CCDC7: variants seen among roughly 807,000 people sequenced by gnomAD.
The protein encoded by CCDC7 is coiled-coil domain containing 7.
A neutral mutation model predicts 196.9 loss-of-function variants in CCDC7; 183 were observed. The ratio of observed to expected loss-of-function variants is 0.93; its 90% CI spans 0.82 to 1.05. The LOEUF (loss-of-function observed/expected upper bound fraction) is 1.05, where lower values mean the gene tolerates loss of function less well. CCDC7 is among the 50% of genes least tolerant of loss of function. CCDC7 has a pLI of 0.00. For synonymous variants in CCDC7, 525 were observed against 484.6 expected (o/e 1.08, Z -1.10); for missense variants, 1,540 against 1,482.2 (o/e 1.04, Z -0.64).
At chr10:32,540,736 C>A (rs1433880902) in intron 11 of CCDC7, among the ~76,000 whole-genome samples, 1 of 152,180 alleles carries the variant, frequency 6.6e-6, no homozygotes, top group Non-Finnish European at 1.5e-5. Flanking sequence ...GAAAGGCCCA[C>A]TTTTAGCCTG....
chr10:32,837,571 C>T (rs2092700042), intron 33 of CCDC7, among the ~76,000 whole-genome samples: 1 of 152,128 alleles, frequency 6.6e-6, no homozygotes, highest in Non-Finnish European at 1.5e-5. Flanking sequence ...CATCCCATTA[C>T]TGGGTATATA....
intron 24 of CCDC7, among the ~76,000 whole-genome samples, chr10:32,700,684 T>C (rs2078552811): frequency 6.6e-6 from 1 of 152,232 alleles, no homozygotes; most frequent in African/African-American, 2.4e-5. Flanking sequence ...TTCCTATCCA[T>C]GAGCATGGAA....
intron 2 of CCDC7, among the ~76,000 whole-genome samples, chr10:32,454,067 C>G (rs2033763970): frequency 6.6e-6 from 1 of 152,046 alleles, no homozygotes; most frequent in Non-Finnish European, 1.5e-5. Context: ...AGATGAATCT[C>G]AAAAACATTA....
downstream of CCDC7, among the ~76,000 whole-genome samples, chr10:32,880,746 C>T (rs1166771642): frequency 6.6e-6 from 1 of 152,174 alleles, no homozygotes; most frequent in East Asian, 1.9e-4. Context: ...AGTCCAGCTT[C>T]TGCATATGGC....
At chr10:32,597,369 A>G (rs1405862968) in intron 18 of CCDC7, among the ~76,000 whole-genome samples, 1 of 152,202 alleles carries the variant, frequency 6.6e-6, no homozygotes, top group Admixed American at 6.5e-5. Flanking sequence ...TTTCAGCTCC[A>G]TCAAGTCATT....
chr10:32,455,313 T>A (rs1358102218), intron 2 of CCDC7, among the ~76,000 whole-genome samples: 1 of 151,228 alleles, frequency 6.6e-6, no homozygotes, highest in Non-Finnish European at 1.5e-5. Flanking sequence ...TTATTTATTT[T>A]ATTTTATTTT....
chr10:32,664,789 T>C (rs974492952), intron 21 of CCDC7, among the ~76,000 whole-genome samples: 2 of 152,074 alleles, frequency 1.3e-5, no homozygotes, highest in Admixed American at 1.3e-4. Context: ...AGTACAAATA[T>C]CTCTTTTATA....
chr10:32,676,949 A>G (rs918968594), intron 21 of CCDC7, among the ~76,000 whole-genome samples: 2 of 152,142 alleles, frequency 1.3e-5, no homozygotes, highest in Non-Finnish European at 2.9e-5. Context: ...TATTCACAAT[A>G]CAAAGACTTG....
intron 25 of CCDC7, among the ~76,000 whole-genome samples, chr10:32,717,469 G>T (rs139739762): frequency 0.039 from 5,889 of 152,178 alleles, 120 homozygotes; most frequent in Middle Eastern, 0.051. Flanking sequence ...ACAATTAAAA[G>T]AACTAGAGAA....
At chr10:32,729,186 A>G (rs1209901857) in intron 27 of CCDC7, 146 bp from the exon 29 acceptor site, 7 of 886,988 alleles carry the variant, frequency 7.9e-6, no homozygotes, top group South Asian at 1.9e-5. Context: ...TTGAATGGTC[A>G]TTAATTATAA....
At chr10:32,794,043 A>G (rs979694107) in intron 29 of CCDC7, among the ~76,000 whole-genome samples, 2 of 152,144 alleles carry the variant, frequency 1.3e-5, no homozygotes, top group East Asian at 1.9e-4. Context: ...GGCTTGGTGT[A>G]TGAAAGATCT....
downstream of CCDC7, among the ~76,000 whole-genome samples, chr10:32,880,307 G>A (rs746101823): frequency 1.3e-4 from 20 of 152,202 alleles, no homozygotes; most frequent in Admixed American, 2.0e-4. Context: ...GATTAGTGAT[G>A]TGGAGCTTTT....
rs1593391914 is a variant in CCDC7 at position 32,846,394 on chromosome 10, T to G, written c.3623T>G (p.Leu1208Ter). The G allele has an allele frequency of 1.3e-6, 2 of 1,586,052 alleles. No homozygotes were observed. Among genetic ancestry groups the G allele is most frequent in the Non-Finnish European group, 1.7e-6 (2 of 1,157,516 alleles). The change falls in exon 37 of 42, where the codon TTA becomes TGA. Residue 1208 changes from leucine to a stop codon, truncating the protein, a stop_gained. Transcript: ENST00000639629. LOFTEE classifies it high-confidence loss of function. ...TCTATAGAGACTGATAAAGAACTCT[T>G]AAAAGATGCTATTGGAAGAGATATA...
chr10:32,769,052 AAT>A (rs1460837345), intron 28 of CCDC7, among the ~76,000 whole-genome samples: 2 of 151,986 alleles, frequency 1.3e-5, no homozygotes, highest in Non-Finnish European at 2.9e-5. Context: ...CTCTTTTTAT[AAT>A]TTTTGGAACA....
At chr10:32,739,858 G>GC (rs113990276) in intron 28 of CCDC7, among the ~76,000 whole-genome samples, 41,981 of 149,196 alleles carry the variant, frequency 0.28, 5,994 homozygotes, top group Admixed American at 0.36. Context: ...CATTATTTTT[G>GC]CCCCCCCCCA....
intron 32 of CCDC7, among the ~76,000 whole-genome samples, chr10:32,830,473 GGGAGC>G (rs1388174741): frequency 1.3e-5 from 2 of 151,916 alleles, no homozygotes; most frequent in Non-Finnish European, 2.9e-5. Context: ...TGGTATAGCA[GGGAGC>G]AACTACAAAA....
chr10:32,676,560 G>A (rs969457249), intron 21 of CCDC7, among the ~76,000 whole-genome samples: 2 of 152,048 alleles, frequency 1.3e-5, no homozygotes, highest in African/African-American at 4.8e-5. Context: ...GTGGGCGAAG[G>A]ACATGAGCAA....
chr10:32,590,256 A>G (rs942892726), intron 18 of CCDC7, among the ~76,000 whole-genome samples: 2 of 152,066 alleles, frequency 1.3e-5, no homozygotes, highest in African/African-American at 4.8e-5. Flanking sequence ...TGAGGTTACC[A>G]TGAGGCTTGC....
chr10:32,776,886 T>C (rs368216223), intron 28 of CCDC7, among the ~76,000 whole-genome samples: 1 of 152,104 alleles, frequency 6.6e-6, no homozygotes, highest in East Asian at 1.9e-4. Flanking sequence ...TGTTGTTTTT[T>C]ACTATGTGTA....
Sources: allele counts gnomAD v4.1 joint callset (sites outside exome capture counted in the v4.1 genomes callset), GRCh38; gene constraint gnomAD v4.1.1; transcripts MANE v1.5; gene names NCBI Gene and HGNC (gene_info 2026-07-23, HGNC 2026-07-21).